RYK: variants seen among roughly 807,000 people sequenced by gnomAD.
The protein encoded by RYK is inactive tyrosine-protein kinase RYK.
RYK carries 21 observed loss-of-function variants against 70.2 expected under a neutral mutation model. The ratio of observed to expected loss-of-function variants is 0.30; its 90% CI spans 0.21 to 0.43. The LOEUF is 0.43. Among genes scored for constraint, RYK ranks in the 20% least tolerant of loss-of-function variants. The pLI is 1.00. For synonymous variants in RYK, 267 were observed against 278.0 expected (o/e 0.96, Z 0.39); for missense variants, 604 against 753.3 (o/e 0.80, Z 2.32).
intron 1 of RYK, among the ~76,000 whole-genome samples, chr3:134,244,273 C>T (rs556383362): frequency 8.5e-5 from 13 of 152,154 alleles, no homozygotes; most frequent in African/African-American, 1.2e-4. Context: ...TCACAGGCTC[C>T]GGAATTCCAC....
At chr3:134,235,190 A>C (rs1020780105) in intron 1 of RYK, among the ~76,000 whole-genome samples, 3 of 152,158 alleles carry the variant, frequency 2.0e-5, no homozygotes, top group Non-Finnish European at 4.4e-5. Flanking sequence ...TCAAAGAGTT[A>C]CCTATATTCT....
rs61441674 is a variant in RYK, at chr3:134,216,792, C to CAAAAAAAAAAAAA, written c.355-5198_355-5186dup. ...TGGGCGACAGAGTGAGACTCTGTCTCAAAAAAAAAAAAAAAAAAAAAAAAA... is the reference window on the plus strand; with the variant it reads ...TGGGCGACAGAGTGAGACTCTGTCTCAAAAAAAAAAAAAAAAAAAAAAAAAAAAAAAAAAAAAA... On this transcript the variant is annotated intron_variant, in intron 2 of 14. Coordinates refer to ENST00000623711, the MANE Select transcript of RYK (RefSeq NM_002958.4). Among the ~76,000 whole-genome samples, 27 of 37,426 alleles carry CAAAAAAAAAAAAA rather than the reference C, an allele frequency of 7.2e-4. 4 individuals carry two copies. Among genetic ancestry groups the CAAAAAAAAAAAAA allele is most frequent in the African/African-American group, 9.1e-4 (9 of 9,938 alleles). The allele number at this position is 37,426 out of a possible 152,430, so 24.6% of individuals were successfully genotyped here.
At chr3:134,224,941 T>C (rs2014857988) in intron 1 of RYK, among the ~76,000 whole-genome samples, 1 of 152,190 alleles carries the variant, frequency 6.6e-6, no homozygotes, top group African/African-American at 2.4e-5. Context: ...ATATCTATAT[T>C]CTATTTCTAG....
chr3:134,165,021 A>G (rs946093730), intron 13 of RYK, among the ~76,000 whole-genome samples: 1 of 152,194 alleles, frequency 6.6e-6, no homozygotes, highest in Non-Finnish European at 1.5e-5. Context: ...GAATATCTTG[A>G]GTTTTCTGAC....
At chr3:134,237,883 ATCT>A (rs1253875345) in intron 1 of RYK, among the ~76,000 whole-genome samples, 2 of 152,214 alleles carry the variant, frequency 1.3e-5, no homozygotes, top group East Asian at 3.9e-4. Context: ...AGTCAAGATA[ATCT>A]TCTAGATTCT....
chr3:134,195,856 G>A (rs1469197701), intron 6 of RYK, among the ~76,000 whole-genome samples: 1 of 151,952 alleles, frequency 6.6e-6, no homozygotes, highest in African/African-American at 2.4e-5. Context: ...TGATGCAGGA[G>A]AATCGCTTGA....
At chr3:134,217,018 C>T (rs1345394738) in intron 2 of RYK, among the ~76,000 whole-genome samples, 1 of 152,138 alleles carries the variant, frequency 6.6e-6, no homozygotes, top group Non-Finnish European at 1.5e-5. Flanking sequence ...TGACCACTCA[C>T]TAAGGCATGT....
chr3:134,240,618 G>A (rs1451779541), intron 1 of RYK, among the ~76,000 whole-genome samples: 1 of 152,140 alleles, frequency 6.6e-6, no homozygotes, highest in Non-Finnish European at 1.5e-5. Context: ...ATTCATGTAG[G>A]AGGTCAGATC....
At chr3:134,192,287 G>A (rs1036806480) in intron 7 of RYK, among the ~76,000 whole-genome samples, 3 of 152,098 alleles carry the variant, frequency 2.0e-5, no homozygotes, top group Non-Finnish European at 2.9e-5. Context: ...GCTTTGATCT[G>A]TGAAATTTCA....
intron 6 of RYK, among the ~76,000 whole-genome samples, chr3:134,196,679 G>A (rs146099226): frequency 6.6e-6 from 1 of 151,534 alleles, no homozygotes; most frequent in South Asian, 2.1e-4. Context: ...TCAATTTCAA[G>A]AGCCCATACA....
At chr3:134,228,911 C>T (rs556750619) in intron 1 of RYK, among the ~76,000 whole-genome samples, 12 of 152,198 alleles carry the variant, frequency 7.9e-5, no homozygotes, top group Non-Finnish European at 8.8e-5. Flanking sequence ...GAATACACTA[C>T]CCTGACTGGA....
At position 134,191,842 on chromosome 3, in the gene RYK, T is replaced by TA; in HGVS notation, c.1015+6dup. 6.3e-7 allele frequency: 1 copy of TA among 1,598,276 alleles called. No individual in the cohort carries two copies. The highest frequency in any genetic ancestry group is 8.5e-7 in the Non-Finnish European group (1 of 1,174,064). Reference sequence around the variant, plus strand: ...ACTTAAAAAACCGACTTTGAGATAATAAATACCTTCTTGGAGTACATCTTT... The same window carrying TA: ...ACTTAAAAAACCGACTTTGAGATAATAAAATACCTTCTTGGAGTACATCTTT... On this transcript the variant is annotated splice_region_variant and intron_variant, in intron 8 of 14. Transcript: ENST00000623711.
Position 134,175,973 on chromosome 3 carries a change from T to G in RYK, c.1372A>C (p.Arg458=), listed in dbSNP as rs2013086731. 6.2e-7 allele frequency: 1 copy of G among 1,610,086 alleles called. No homozygotes were observed. The highest frequency in any genetic ancestry group is 8.5e-7 in the Non-Finnish European group (1 of 1,178,162). The stretch of plus-strand genomic sequence containing the variant: ...AGGTCTTTGTGGATGACTTCCCTTC[T>G]GGCCAGGTAGCTCATTCCACAGGCA... The part of the protein sequence containing the change: ...QIACGMSYLA[R]REVIHKDLAA... Residue 458 remains arginine (R), a synonymous_variant, in exon 12 of 15, where the codon AGA becomes CGA. Coordinates refer to ENST00000623711, the MANE Select transcript of RYK (RefSeq NM_002958.4).
chr3:134,236,038 AC>A (rs1400682671), intron 1 of RYK, among the ~76,000 whole-genome samples: 13 of 152,010 alleles, frequency 8.6e-5, no homozygotes, highest in Admixed American at 5.2e-4. Flanking sequence ...GAACTGGGAC[AC>A]CCGCATGGTC....
intron 13 of RYK, among the ~76,000 whole-genome samples, chr3:134,161,920 A>C (rs917772131): frequency 6.6e-6 from 1 of 152,200 alleles, no homozygotes; most frequent in Non-Finnish European, 1.5e-5. Context: ...CACTGCTCTG[A>C]TAGCTAGAAG....
At chr3:134,208,320 G>A (rs2014278791) in intron 4 of RYK, among the ~76,000 whole-genome samples, 1 of 152,156 alleles carries the variant, frequency 6.6e-6, no homozygotes, top group South Asian at 2.1e-4. Flanking sequence ...GTACAGTCAT[G>A]CCCATCTCTC....
At chr3:134,173,048 T>C (rs1010221362) in intron 13 of RYK, among the ~76,000 whole-genome samples, 1 of 152,220 alleles carries the variant, frequency 6.6e-6, no homozygotes. Context: ...GTCAGATAAA[T>C]TGTTTCTTTG....
At chr3:134,228,160 G>A (rs1484758634) in intron 1 of RYK, among the ~76,000 whole-genome samples, 1 of 152,150 alleles carries the variant, frequency 6.6e-6, no homozygotes, top group Non-Finnish European at 1.5e-5. Flanking sequence ...GCATGGTGGT[G>A]TATGCCTGTA....
intron 2 of RYK, among the ~76,000 whole-genome samples, chr3:134,217,257 G>A (rs1276133802): frequency 1.3e-5 from 2 of 152,142 alleles, no homozygotes; most frequent in Admixed American, 6.5e-5. Flanking sequence ...AAGAACCGAG[G>A]GTTTCTGATA....
Sources: allele counts gnomAD v4.1 joint callset (sites outside exome capture counted in the v4.1 genomes callset), GRCh38; gene constraint gnomAD v4.1.1; transcripts MANE v1.5; gene names NCBI Gene and HGNC (gene_info 2026-07-23, HGNC 2026-07-21).